Variants in ZMYM1 observed in about 807,000 individuals in gnomAD.
ZMYM1 encodes the protein zinc finger MYM-type containing 1, also known as zinc finger MYM-type protein 1.
Under a neutral mutation model 60.0 loss-of-function variants are expected in ZMYM1, and 39 were observed. The observed-to-expected ratio is 0.65, with a 90% CI of 0.50 to 0.85. The LOEUF (loss-of-function observed/expected upper bound fraction) is 0.85, where lower values mean the gene tolerates loss of function less well. Among genes scored for constraint, ZMYM1 ranks in the 40% least tolerant of loss-of-function variants. The pLI, the probability that ZMYM1 is intolerant of heterozygous loss-of-function variation, is 0.00. For missense variants in ZMYM1, 1,171 were observed against 1,309.5 expected, an observed-to-expected ratio of 0.89 and a Z score of 1.63; for synonymous variants, 413 against 454.0, an observed-to-expected ratio of 0.91 and a Z score of 1.15.
intron 3 of ZMYM1, among the ~76,000 whole-genome samples, chr1:35,096,848 T>G (rs1014390776): frequency 1.5e-4 from 23 of 152,224 alleles, no homozygotes; most frequent in African/African-American, 5.5e-4. Context: ...TACAGGCATG[T>G]GTCACCATGC....
chr1:35,080,977 C>G (rs749301051), intron 1 of ZMYM1, among the ~76,000 whole-genome samples: 1 of 151,658 alleles, frequency 6.6e-6, no homozygotes, highest in East Asian at 1.9e-4. Flanking sequence ...GCATTTCACT[C>G]TTGTCTCCCA....
At chr1:35,088,196 G>T (rs1251475341) in intron 1 of ZMYM1, among the ~76,000 whole-genome samples, 2 of 151,940 alleles carry the variant, frequency 1.3e-5, no homozygotes, top group African/African-American at 2.4e-5. Context: ...GAGGCAGGCG[G>T]ATCACAAGGT....
chr1:35,069,211 A>G (rs1332692497), intron 1 of ZMYM1, among the ~76,000 whole-genome samples: 1 of 152,128 alleles, frequency 6.6e-6, no homozygotes, highest in Non-Finnish European at 1.5e-5. Flanking sequence ...TAATTTCACC[A>G]CAGTGTGTAA....
upstream of ZMYM1, among the ~76,000 whole-genome samples, chr1:35,075,562 C>G (rs1642152166): frequency 2.0e-5 from 3 of 152,160 alleles, no homozygotes; most frequent in African/African-American, 7.2e-5. Context: ...GATACCCACT[C>G]TCTCCCACCT....
chr1:35,096,099 G>A (rs1809853), intron 3 of ZMYM1, among the ~76,000 whole-genome samples: 2,493 of 152,118 alleles, frequency 0.016, 63 homozygotes, highest in African/African-American at 0.056. Flanking sequence ...CGGATCATGA[G>A]GTCAGGAATT....
intron 1 of ZMYM1, among the ~76,000 whole-genome samples, chr1:35,087,375 A>G (rs1335905925): frequency 1.3e-5 from 2 of 151,704 alleles, no homozygotes; most frequent in Non-Finnish European, 2.9e-5. Flanking sequence ...AATCTGGATG[A>G]TATCCCCTGG....
Position 35,115,465 on chromosome 1 carries a change from G to C in ZMYM1, c.*206G>C, listed in dbSNP as rs940938839. The stretch of plus-strand genomic sequence containing the variant: ...TTTTTCCTAAGTGGTATTGTACGGT[G>C]TATACTGTTCTTCAGCTTGTCTTCT... On this transcript the variant is annotated 3_prime_UTR_variant, in exon 10 of 10. Coordinates refer to ENST00000359858, the MANE Select transcript of ZMYM1 (RefSeq NM_024772.5). 24 of 415,228 alleles carry C rather than the reference G, an allele frequency of 5.8e-5. No homozygotes were observed. The highest frequency in any genetic ancestry group is 8.7e-5 in the Non-Finnish European group (21 of 241,688). 25.7% of individuals were successfully genotyped at this position (415,228 alleles called of 1,614,324 possible).
At chr1:35,065,435 A>G (rs1310655277) in intron 1 of ZMYM1, among the ~76,000 whole-genome samples, 1 of 151,964 alleles carries the variant, frequency 6.6e-6, no homozygotes, top group Non-Finnish European at 1.5e-5. Flanking sequence ...ACATACAGAA[A>G]ATATAGTTAA....
chr1:35,084,694 C>T (rs965169703), intron 1 of ZMYM1, among the ~76,000 whole-genome samples: 1 of 152,214 alleles, frequency 6.6e-6, no homozygotes, highest in African/African-American at 2.4e-5. Context: ...CTGCTATAAT[C>T]TTATTAGCTC....
In ZMYM1 at chr1:35,104,596, C is replaced by A. The variant is rs373990611; in HGVS notation, c.634C>A (p.Leu212Ile). Residue 212 changes from leucine to isoleucine, a missense_variant, in exon 6 of 10, where the codon CTT becomes ATT. By Grantham distance (5) the Leu-to-Ile change is conservative (BLOSUM62 2). Coordinates refer to ENST00000359858, the MANE Select transcript of ZMYM1 (RefSeq NM_024772.5). ...EVKYQNVKHN[L>I]CSNACLSKFH... Reference sequence around the variant, plus strand: ...AAAATACCAAAATGTGAAACATAATCTTTGCAGTAATGCCTGCCTTTCAAA... The same window carrying A: ...AAAATACCAAAATGTGAAACATAATATTTGCAGTAATGCCTGCCTTTCAAA... 2 of 1,614,094 alleles carry A rather than the reference C, an allele frequency of 1.2e-6. No homozygotes were observed. Among genetic ancestry groups the A allele is most frequent in the Admixed American group, 1.7e-5 (1 of 60,012 alleles).
Position 35,115,292 on chromosome 1 carries a change from G to A in ZMYM1, c.*33G>A, listed in dbSNP as rs974360168. The stretch of plus-strand genomic sequence containing the variant: ...TCATTTGAACTTACCTAAAAGACTT[G>A]TATTTCCATTGGGATGTTTTCATTT... On this transcript the variant is annotated 3_prime_UTR_variant, in exon 10 of 10. Coordinates refer to ENST00000359858, the MANE Select transcript of ZMYM1 (RefSeq NM_024772.5). 6.7e-7 allele frequency: 1 copy of A among 1,503,194 alleles called. No homozygotes were observed. Among genetic ancestry groups the A allele is most frequent in the African/African-American group, 1.4e-5 (1 of 71,064 alleles). 93.1% of individuals were successfully genotyped at this position (1,503,194 alleles called of 1,614,324 possible).
At chr1:35,112,582 ATG>A (rs1491195297) in intron 9 of ZMYM1, among the ~76,000 whole-genome samples, 52 of 144,270 alleles carry the variant, frequency 3.6e-4, no homozygotes, top group Admixed American at 1.6e-3. Context: ...ATATATTATA[ATG>A]TATATTTATT....
intron 1 of ZMYM1, among the ~76,000 whole-genome samples, chr1:35,082,760 ACCTGGGGTCAGGAGTTCCAGACCAG>A (rs1046521267): frequency 2.7e-5 from 4 of 149,708 alleles, no homozygotes; most frequent in Admixed American, 6.7e-5. Flanking sequence ...CGGGTGGATC[ACCTGGGGTCAGGAGTTCCAGACCAG>A]CCTGGCCAAC....
chr1:35,084,496 T>G (rs1642555632), intron 1 of ZMYM1, among the ~76,000 whole-genome samples: 1 of 152,238 alleles, frequency 6.6e-6, no homozygotes, highest in South Asian at 2.1e-4. Flanking sequence ...TGAGGGTTGA[T>G]TATAGGTCTT....
At chr1:35,078,377 TAAG>T (rs1642206311), upstream of ZMYM1, among the ~76,000 whole-genome samples, 1 of 152,048 alleles carries the variant, frequency 6.6e-6, no homozygotes, top group Admixed American at 6.6e-5. Context: ...ATGATTATAA[TAAG>T]TTCATCATTC....
chr1:35,116,859 T>TTTTTTG, downstream of ZMYM1, among the ~76,000 whole-genome samples: 1 of 145,720 alleles, frequency 6.9e-6, no homozygotes, highest in South Asian at 2.2e-4. Flanking sequence ...TTTTTTTTTT[T>TTTTTTG]TTGAGACGGA....
intron 1 of ZMYM1, among the ~76,000 whole-genome samples, chr1:35,071,151 T>C (rs1381229685): frequency 6.6e-6 from 1 of 152,180 alleles, no homozygotes; most frequent in Admixed American, 6.6e-5. Context: ...CCTCCCAAAG[T>C]GCTGGGAATA....
rs566783719 is a variant in ZMYM1, at chr1:35,107,341, C to T, written c.807+2572C>T. Among the ~76,000 whole-genome samples the T allele has an allele frequency of 2.1e-3, 310 of 149,528 alleles. 2 individuals are homozygous for T. The highest frequency in any genetic ancestry group is 7.1e-3 in the African/African-American group (289 of 40,822). On this transcript the variant is annotated intron_variant, in intron 6 of 9. Transcript: ENST00000359858. ...AAAATTAGCGGGGTGTGGTGGCGGG[C>T]GCCTGTAGTCCCAGCTACTCTGGAG...
intron 1 of ZMYM1, among the ~76,000 whole-genome samples, chr1:35,084,482 C>T (rs1342999385): frequency 6.6e-6 from 1 of 152,220 alleles, no homozygotes; most frequent in African/African-American, 2.4e-5. Flanking sequence ...GACATTGATC[C>T]TGTTGAGGGT....
Sources: allele counts gnomAD v4.1 joint callset (sites outside exome capture counted in the v4.1 genomes callset), GRCh38; gene constraint gnomAD v4.1.1; transcripts MANE v1.5; gene names NCBI Gene and HGNC (gene_info 2026-07-23, HGNC 2026-07-21).